SLC17A9: variants seen among roughly 807,000 people sequenced by gnomAD.
SLC17A9 encodes voltage-gated purine nucleotide uniporter SLC17A9.
Under a neutral mutation model 55.0 loss-of-function variants are expected in SLC17A9, and 49 were observed. The observed-to-expected ratio is 0.89, with a 90% CI of 0.71 to 1.13. SLC17A9 has a LOEUF of 1.13. Among genes scored for constraint, SLC17A9 ranks in the 50% most tolerant of loss-of-function variants. The pLI, the probability that SLC17A9 is intolerant of heterozygous loss-of-function variation, is 0.00. For missense variants in SLC17A9, 526 were observed against 569.3 expected, an observed-to-expected ratio of 0.92 and a Z score of 0.77; for synonymous variants, 256 against 247.4, an observed-to-expected ratio of 1.03 and a Z score of -0.32.
Position 62,962,796 on chromosome 20 carries a change from G to A in SLC17A9, c.628+42G>A. On this transcript the variant is annotated intron_variant, in intron 5 of 12. Coordinates refer to ENST00000370351, the MANE Select transcript of SLC17A9 (RefSeq NM_022082.4). The surrounding 1 kb of genome is among the most constrained non-coding windows in gnomAD (Gnocchi z 5.5). ...GGGCTAGTCCCGGGCGCCCACAGCT[G>A]CCCAGTGCCTCCTCCCCTGGTGGCA... The A allele has an allele frequency of 6.2e-7, 1 of 1,607,022 alleles. No homozygotes were observed. The highest frequency in any genetic ancestry group is 8.5e-7 in the Non-Finnish European group (1 of 1,175,860).
At chr20:62,963,515 G>A (rs2065607134) in intron 6 of SLC17A9, 69 bp from the exon 7 acceptor site, 14 of 1,537,652 alleles carry the variant, frequency 9.1e-6, no homozygotes, top group South Asian at 3.6e-5. Context: ...GACGCCTCTC[G>A]GGGTGGGTCC....
rs762234148 is a variant in SLC17A9 at position 62,964,212 on chromosome 20, A to G, written c.823-16A>G. On this transcript the variant is annotated splice_polypyrimidine_tract_variant and intron_variant, in intron 7 of 12. Transcript: ENST00000370351. ...GCCGGCCCTGGCCCCCTCTAAGGCC[A>G]AACTCCCCCCTGCAGGGCTGGATCT... 5.6e-6 allele frequency: 9 copies of G among 1,613,676 alleles called. No individual in the cohort carries two copies. The African/African-American group carries it at 8.0e-5, about 14-fold the overall frequency.
At position 62,962,008 on chromosome 20, in the gene SLC17A9, A is replaced by C. The variant is rs1425930543; in HGVS notation, c.498-616A>C. 1.3e-5 allele frequency among the ~76,000 whole-genome samples: 2 copies of C among 152,120 alleles called. No individual in the cohort carries two copies. The highest frequency in any genetic ancestry group is 2.9e-5 in the Non-Finnish European group (2 of 68,016). ...TCTCTCTCTTCCTCCTTTTGCCATG[A>C]TGTTAACTATTCCCCCTGGTGCCAG... On this transcript the variant is annotated intron_variant, in intron 4 of 12. Transcript: ENST00000370351. The surrounding 1 kb of genome is among the most constrained non-coding windows in gnomAD (Gnocchi z 5.5).
chr20:62,967,368 G>A lies in SLC17A9; in HGVS notation c.1179G>A (p.Leu393=), dbSNP rs2065650054. The change falls in exon 13 of 13, where the codon TTG becomes TTA. Residue 393 remains leucine, a synonymous_variant. Transcript: ENST00000370351. The stretch of plus-strand genomic sequence containing the variant: ...TGGGTGTGTGTCTAGGCGGCTACTT[G>A]ATGGAGACCACGGGCTCCTGGACTT... The part of the protein sequence containing the change: ...GVVGVCLGGY[L]METTGSWTCL... The A allele has an allele frequency of 1.9e-6, 3 of 1,614,154 alleles. No individual in the cohort carries two copies. The highest frequency in any genetic ancestry group is 2.2e-5 in the East Asian group (1 of 44,872).
At position 62,952,713 on chromosome 20, in the gene SLC17A9, G is replaced by A. The variant is rs933377890; in HGVS notation, c.-118G>A. On this transcript the variant is annotated 5_prime_UTR_variant, in exon 1 of 13. Coordinates refer to ENST00000370351, the MANE Select transcript of SLC17A9 (RefSeq NM_022082.4). The stretch of plus-strand genomic sequence containing the variant: ...GCGACAAGTCCTGAGAGAACCAGAC[G>A]GAAGCGCGCTGGGACTGACACGTGG... 5.2e-5 allele frequency: 58 copies of A among 1,120,626 alleles called. 1 individual carries two copies. The South Asian group carries it at 5.9e-4, about 11-fold the overall frequency. 69.4% of individuals were successfully genotyped at this position (1,120,626 alleles called of 1,614,324 possible).
rs2065663254 is a variant in SLC17A9, at chr20:62,969,106, T to C, written c.*1606T>C. 1 of 152,220 alleles carries C rather than the reference T, an allele frequency of 6.6e-6. No individual in the cohort carries two copies. The highest frequency in any genetic ancestry group is 2.1e-4 in the South Asian group (1 of 4,836). 9.4% of individuals were successfully genotyped at this position (152,220 alleles called of 1,614,324 possible). ...GGGCTTCCAGAAGCCTGGCAGTTGCTGTCTGGAGGCCAGGAAGCCAAGCCC... is the reference window on the plus strand; with the variant it reads ...GGGCTTCCAGAAGCCTGGCAGTTGCCGTCTGGAGGCCAGGAAGCCAAGCCC... On this transcript the variant is annotated 3_prime_UTR_variant, in exon 13 of 13. Transcript: ENST00000370351.
chr20:62,954,947 A>C (rs928103169), intron 1 of SLC17A9, among the ~76,000 whole-genome samples: 3 of 152,112 alleles, frequency 2.0e-5, no homozygotes, highest in African/African-American at 7.2e-5. Context: ...CCACCTGGAC[A>C]CAGGTCCCCC....
intron 1 of SLC17A9, chr20:62,953,257 A>G (rs2065507234): frequency 1.9e-6 from 3 of 1,550,290 alleles, no homozygotes; most frequent in South Asian, 2.4e-5. Context: ...AGGCGCCAGG[A>G]CAGTCAGGAG....
chr20:62,961,954 C>T (rs1319263350), intron 4 of SLC17A9, among the ~76,000 whole-genome samples: 2 of 152,150 alleles, frequency 1.3e-5, no homozygotes, highest in African/African-American at 2.4e-5. Flanking sequence ...AAGGAGGCCC[C>T]ATCTGGATGC....
At chr20:62,955,046 G>A (rs1012890381) in intron 1 of SLC17A9, among the ~76,000 whole-genome samples, 2 of 151,628 alleles carry the variant, frequency 1.3e-5, no homozygotes, top group African/African-American at 2.4e-5. Flanking sequence ...CTGCAACCTC[G>A]ACCTCCTGGG....
intron 3 of SLC17A9, among the ~76,000 whole-genome samples, chr20:62,959,645 G>GC (rs766776308): frequency 4.9e-4 from 75 of 152,264 alleles, no homozygotes; most frequent in Non-Finnish European, 8.5e-4. Context: ...CCTCGAGGGA[G>GC]CGAGGGAACG....
At chr20:62,953,117 C>G (rs1275502690) in intron 1 of SLC17A9, 2 of 1,457,224 alleles carry the variant, frequency 1.4e-6, no homozygotes, top group South Asian at 2.4e-5. Context: ...AGTGCCCTAT[C>G]CCAGCCAGTG....
intron 1 of SLC17A9, 173 bp downstream of exon 1, chr20:62,953,062 C>T (rs2065504623): frequency 8.3e-7 from 1 of 1,209,972 alleles, no homozygotes; most frequent in Non-Finnish European, 1.2e-6. Context: ...AAGTGAGTGC[C>T]CTGTCCTTCC....
In SLC17A9 at chr20:62,963,345, G is replaced by A. The variant is rs369090435; in HGVS notation, c.701G>A (p.Arg234Gln). ...VSRHNRVPWR[R>Q]LFRKPAVWAA... Reference sequence around the variant, plus strand: ...AGGCACAACAGAGTCCCCTGGAGACGGCTCTTCCGGAAGCCTGCTGTCTGG... The same window carrying A: ...AGGCACAACAGAGTCCCCTGGAGACAGCTCTTCCGGAAGCCTGCTGTCTGG... The change falls in exon 6 of 13, where the codon CGG becomes CAG. Residue 234 changes from arginine to glutamine, a missense_variant. Coordinates refer to ENST00000370351, the MANE Select transcript of SLC17A9 (RefSeq NM_022082.4). 5.9e-5 allele frequency: 96 copies of A among 1,613,626 alleles called. No individual in the cohort carries two copies. The African/African-American group carries it at 9.9e-4, about 17-fold the overall frequency.
chr20:62,963,334 C>G lies in SLC17A9; in HGVS notation c.690C>G (p.Val230=), dbSNP rs752737376. ...GGCCGGTGTCCAGGCACAACAGAGT[C>G]CCCTGGAGACGGCTCTTCCGGAAGC... is the stretch of plus-strand genomic sequence containing the variant. ...QSRPVSRHNR[V]PWRRLFRKPA... is the part of the protein sequence containing the mutation. The change falls in exon 6 of 13, where the codon GTC becomes GTG. Residue 230 remains valine, a synonymous_variant. Transcript: ENST00000370351. The G allele has an allele frequency of 3.7e-6, 6 of 1,613,252 alleles. No homozygotes were observed. In the Admixed American group the frequency reaches 6.7e-5, roughly 18 times the overall value.
Position 62,962,634 on chromosome 20 carries a change from A to T in SLC17A9, c.508A>T (p.Thr170Ser). The T allele has an allele frequency of 6.2e-7, 1 of 1,613,934 alleles. No homozygotes were observed. The highest frequency in any genetic ancestry group is 1.1e-5 in the South Asian group (1 of 91,078). ...GAGSQFGTLL[T>S]GAVGSLLLEW... The stretch of plus-strand genomic sequence containing the variant: ...CCCCTGTCTTTGCAGGACGCTGCTG[A>T]CCGGGGCGGTGGGCTCCCTGCTCCT... Residue 170 changes from threonine to serine, a missense_variant, in exon 5 of 13, where the codon ACC (threonine) becomes TCC (serine). Transcript: ENST00000370351. The surrounding 1 kb of genome is among the most constrained non-coding windows in gnomAD (Gnocchi z 5.5).
intron 1 of SLC17A9, among the ~76,000 whole-genome samples, chr20:62,956,183 G>A (rs1272632569): frequency 6.6e-6 from 1 of 152,182 alleles, no homozygotes; most frequent in Non-Finnish European, 1.5e-5. Flanking sequence ...CCTCGGGCAT[G>A]GTCAGTGCCC....
chr20:62,958,014 G>A lies in SLC17A9; in HGVS notation c.397+434G>A, dbSNP rs1383775195. On this transcript the variant is annotated intron_variant, in intron 3 of 12. Transcript: ENST00000370351. The surrounding 1 kb of genome is among the most constrained non-coding windows in gnomAD (Gnocchi z 4.1). ...TGCGTACGTATGTGTGCATGCACATGTGTGAGCATGCACTTGTGCGTGCAG... is the reference window on the plus strand; with the variant it reads ...TGCGTACGTATGTGTGCATGCACATATGTGAGCATGCACTTGTGCGTGCAG... Among the ~76,000 whole-genome samples the A allele has an allele frequency of 1.3e-5, 2 of 151,970 alleles. No individual in the cohort carries two copies. Among genetic ancestry groups the A allele is most frequent in the African/African-American group, 4.8e-5 (2 of 41,420 alleles).
At chr20:62,967,203 C>G in intron 12 of SLC17A9, 134 bp from the exon 13 acceptor site, 1 of 1,078,072 alleles carries the variant, frequency 9.3e-7, no homozygotes, top group Non-Finnish European at 1.4e-6. Context: ...TGAATTCAGC[C>G]CTGGGAACCA....
Sources: gnomAD v4.1 joint callset for allele counts (sites outside exome capture counted in the v4.1 genomes callset) on GRCh38, gnomAD v4.1.1 for gene constraint, Gnocchi (gnomAD v3.1) non-coding constraint, MANE v1.5 for transcripts, NCBI Gene and HGNC (gene_info 2026-07-23, HGNC 2026-07-21) for gene names.